The following PHACTR1 variants were observed in gnomAD, a reference collection of about 807,000 sequenced individuals.
PHACTR1 encodes the protein phosphatase and actin regulator 1.
PHACTR1 carries 16 observed loss-of-function variants against 69.2 expected under a neutral mutation model. The ratio of observed to expected loss-of-function variants is 0.23; its 90% CI spans 0.16 to 0.35. The LOEUF is 0.35. PHACTR1 is among the 10% of genes least tolerant of loss of function. The pLI is 1.00. For synonymous variants in PHACTR1, 312 were observed against 284.5 expected, an observed-to-expected ratio of 1.10 and a Z score of -0.97; for missense variants, 510 against 734.7, an observed-to-expected ratio of 0.69 and a Z score of 3.54.
chr6:13,141,045 C>G (rs771218192), intron 5 of PHACTR1, among the ~76,000 whole-genome samples: 7 of 152,162 alleles, frequency 4.6e-5, no homozygotes, highest in Non-Finnish European at 1.0e-4. Context: ...GCAAGAGTTT[C>G]TAGTAACCCA....
chr6:12,987,347 G>A (rs988460134), intron 4 of PHACTR1, among the ~76,000 whole-genome samples: 6 of 152,050 alleles, frequency 3.9e-5, no homozygotes, highest in East Asian at 3.8e-4. Flanking sequence ...ATAGCATTGC[G>A]GACCAGAACA....
At chr6:12,922,234 T>C (rs1562014387) in intron 4 of PHACTR1, among the ~76,000 whole-genome samples, 2 of 152,196 alleles carry the variant, frequency 1.3e-5, no homozygotes, top group African/African-American at 2.4e-5. Context: ...TGCTTCCTCA[T>C]TCATTAAATG....
chr6:13,091,423 G>A (rs1813271319), intron 5 of PHACTR1, among the ~76,000 whole-genome samples: 1 of 152,142 alleles, frequency 6.6e-6, no homozygotes, highest in Non-Finnish European at 1.5e-5. Context: ...GTAGTTCACT[G>A]AGTTTGTTCT....
At chr6:13,065,060 G>A (rs1394414616) in intron 5 of PHACTR1, among the ~76,000 whole-genome samples, 1 of 152,076 alleles carries the variant, frequency 6.6e-6, no homozygotes, top group Non-Finnish European at 1.5e-5. Context: ...GAGCAGATTT[G>A]TGAGGGGAAA....
At chr6:13,251,884 C>T (rs1774466999) in intron 10 of PHACTR1, among the ~76,000 whole-genome samples, 1 of 149,624 alleles carries the variant, frequency 6.7e-6, no homozygotes, top group South Asian at 2.1e-4. Context: ...GCAAGATCCC[C>T]ATCTCTACAA....
At chr6:13,261,299 A>G (rs918166608) in intron 10 of PHACTR1, among the ~76,000 whole-genome samples, 16 of 152,154 alleles carry the variant, frequency 1.1e-4, no homozygotes, top group African/African-American at 3.9e-4. Flanking sequence ...TTTCTAATGG[A>G]GAATACAGTT....
intron 5 of PHACTR1, among the ~76,000 whole-genome samples, chr6:13,152,991 G>A (rs1048112852): frequency 6.6e-6 from 1 of 152,148 alleles, no homozygotes; most frequent in Non-Finnish European, 1.5e-5. Flanking sequence ...CGGCCCTGGA[G>A]TGCTGAGGAC....
In PHACTR1 at chr6:12,727,765, C is replaced by A. The variant is rs16873341; in HGVS notation, c.103+8918C>A. The stretch of plus-strand genomic sequence containing the variant: ...GTTGGTACCACCCTTTGTGCCTGTG[C>A]TAGCAGAAGAAAGGATAGGGAGCCT... On this transcript the variant is annotated intron_variant, in intron 3 of 14. Transcript: ENST00000332995. 7.7e-3 allele frequency among the ~76,000 whole-genome samples: 1,177 copies of A among 152,248 alleles called. 18 individuals are homozygous for A. The highest frequency in any genetic ancestry group is 0.027 in the African/African-American group (1,107 of 41,544).
At chr6:13,093,915 G>A (rs4715100) in intron 5 of PHACTR1, among the ~76,000 whole-genome samples, 102,923 of 152,118 alleles carry the variant, frequency 0.68, 37,404 homozygotes, top group East Asian at 0.93. Flanking sequence ...TCTGTCACCC[G>A]GGCTGGGGTG....
At chr6:12,792,193 G>A (rs1018021461) in intron 4 of PHACTR1, among the ~76,000 whole-genome samples, 7 of 151,890 alleles carry the variant, frequency 4.6e-5, no homozygotes, top group East Asian at 1.9e-4. Flanking sequence ...GGCCGGGCGC[G>A]GTGGCTCATG....
chr6:13,274,426 G>T (rs548851670), intron 11 of PHACTR1: 1 of 152,074 alleles, frequency 6.6e-6, no homozygotes, highest in Non-Finnish European at 1.5e-5. Context: ...CTTCCTTTCG[G>T]CCCCAATCTG....
intron 4 of PHACTR1, among the ~76,000 whole-genome samples, chr6:13,014,355 G>T (rs112628262): frequency 3.9e-5 from 6 of 152,142 alleles, no homozygotes; most frequent in Non-Finnish European, 8.8e-5. Context: ...TCCCATTGAC[G>T]TATATGGTCC....
At chr6:12,975,530 C>G (rs927237325) in intron 4 of PHACTR1, among the ~76,000 whole-genome samples, 1 of 152,118 alleles carries the variant, frequency 6.6e-6, no homozygotes, top group Non-Finnish European at 1.5e-5. Context: ...TTTTCAATTG[C>G]TTGGTATAGA....
intron 4 of PHACTR1, among the ~76,000 whole-genome samples, chr6:12,824,817 T>C (rs893773982): frequency 6.6e-6 from 1 of 152,130 alleles, no homozygotes; most frequent in Non-Finnish European, 1.5e-5. Flanking sequence ...TAATACAGAG[T>C]GTAGTGGTGA....
chr6:13,036,893 A>G (rs764774853), intron 4 of PHACTR1, among the ~76,000 whole-genome samples: 52 of 152,152 alleles, frequency 3.4e-4, no homozygotes, highest in Non-Finnish European at 5.4e-4. Context: ...TCTGAGAAAC[A>G]TTCATTCATT....
intron 5 of PHACTR1, among the ~76,000 whole-genome samples, chr6:13,082,270 T>G (rs1811518501): frequency 6.6e-6 from 1 of 152,150 alleles, no homozygotes; most frequent in African/African-American, 2.4e-5. Flanking sequence ...GGGTATCACT[T>G]TGCTTAAAGT....
At chr6:13,056,768 T>G (rs1806849766) in intron 5 of PHACTR1, among the ~76,000 whole-genome samples, 1 of 152,140 alleles carries the variant, frequency 6.6e-6, no homozygotes, top group South Asian at 2.1e-4. Flanking sequence ...TAAGGGAGAT[T>G]CTGGCTAAGC....
chr6:12,776,467 A>G (rs900444998), intron 4 of PHACTR1, among the ~76,000 whole-genome samples: 1 of 152,196 alleles, frequency 6.6e-6, no homozygotes, highest in Non-Finnish European at 1.5e-5. Context: ...TGGTGATCTG[A>G]ATGCCACCAT....
chr6:12,806,836 G>A (rs1198847476), intron 4 of PHACTR1, among the ~76,000 whole-genome samples: 1 of 152,070 alleles, frequency 6.6e-6, no homozygotes, highest in East Asian at 1.9e-4. Flanking sequence ...GGGCAAAATG[G>A]CTGTCCTTAA....
Sources: gnomAD v4.1 joint callset for allele counts (sites outside exome capture counted in the v4.1 genomes callset) on GRCh38, gnomAD v4.1.1 for gene constraint, MANE v1.5 for transcripts, NCBI Gene and HGNC (gene_info 2026-07-23, HGNC 2026-07-21) for gene names.